BAHCC1: variants seen among roughly 807,000 people sequenced by gnomAD.
BAHCC1 encodes the protein BAH and coiled-coil domain-containing protein 1.
In BAHCC1, 43 loss-of-function variants were observed where a neutral mutation model predicts 88.2. The observed-to-expected ratio is 0.49, with a 90% CI of 0.38 to 0.63. BAHCC1 has a LOEUF of 0.63. Ranked by LOEUF, BAHCC1 falls within the 20% of genes least tolerant of loss-of-function variation. The probability of loss-of-function intolerance (pLI) is 0.00; values close to 1 mark genes in which losing one functional copy is unlikely to be tolerated. For synonymous variants in BAHCC1, 1,510 were observed against 745.5 expected (o/e 2.03, Z -16.71); for missense variants, 3,023 against 1,654.8 (o/e 1.83, Z -14.34).
rs782079153 is a variant in BAHCC1, at chr17:81,445,510, G to A, written c.2992G>A (p.Asp998Asn). 12 of 738,624 alleles carry A rather than the reference G, an allele frequency of 1.6e-5. No individual in the cohort carries two copies. The highest frequency in any genetic ancestry group is 2.9e-5 in the South Asian group (2 of 69,268). The allele number at this position is 738,624 out of a possible 1,614,324, so 45.8% of individuals were successfully genotyped here. A position where few individuals can be genotyped will look rare whatever the true frequency, so the allele number is the denominator to read the frequency against. ...TKLPPCCHPP[D>N]PKPPASSPTP... ...GCTGCCACCTTGCTGCCATCCGCCC[G>A]ACCCAAAGCCCCCCGCCAGCTCCCC... The change falls in exon 10 of 28, where the codon GAC (aspartate) becomes AAC (asparagine). Residue 998 changes from aspartate to asparagine, a missense_variant. Physicochemically the swap from Asp to Asn is conservative, Grantham distance 23 (BLOSUM62 1). Coordinates refer to ENST00000675386, the MANE Select transcript of BAHCC1 (RefSeq NM_001377448.1).
At chr17:81,453,245 A>G (rs1404414624) in intron 14 of BAHCC1, among the ~76,000 whole-genome samples, 4 of 152,210 alleles carry the variant, frequency 2.6e-5, no homozygotes, top group Non-Finnish European at 5.9e-5. Flanking sequence ...GGAGCTGCTC[A>G]CGGCTGCCGG....
intron 27 of BAHCC1, among the ~76,000 whole-genome samples, chr17:81,463,257 G>A (rs369472320): frequency 4.4e-4 from 67 of 152,234 alleles, no homozygotes; most frequent in South Asian, 1.0e-3. Context: ...CCACCCCGTG[G>A]GCCCTCCCTG....
In BAHCC1 at chr17:81,399,843, C is replaced by A; in HGVS notation, c.104C>A (p.Pro35His). The change falls in exon 2 of 28, where the codon CCC becomes CAC. Residue 35 changes from proline (P) to histidine (H), a missense_variant. Physicochemically the swap from Pro to His is moderately conservative, Grantham distance 77. Coordinates refer to ENST00000675386, the MANE Select transcript of BAHCC1 (RefSeq NM_001377448.1). This position sits in a 1 kb window ranked among gnomAD's most constrained non-coding sequence, Gnocchi z 4.5. ...AAAARLAPAGPAAQPPAHFQP... is the reference protein window; with the variant it reads ...AAAARLAPAGHAAQPPAHFQP... ...GCCGCGCGTCTCGCCCCGGCTGGGC[C>A]CGCCGCGCAGCCCCCCGCACACTTC... The A allele has an allele frequency of 7.3e-7, 1 of 1,368,970 alleles. No individual in the cohort carries two copies. The highest frequency in any genetic ancestry group is 9.4e-7 in the Non-Finnish European group (1 of 1,059,664). 84.8% of individuals were successfully genotyped at this position (1,368,970 alleles called of 1,614,324 possible). A position where few individuals can be genotyped will look rare whatever the true frequency, so the allele number is the denominator to read the frequency against.
intron 2 of BAHCC1, among the ~76,000 whole-genome samples, chr17:81,416,582 T>TCC (rs2064034114): frequency 7.2e-6 from 1 of 139,678 alleles, no homozygotes; most frequent in African/African-American, 2.6e-5. Flanking sequence ...TGTGTGTGTG[T>TCC]CCGTGAGGAT....
Position 81,430,179 on chromosome 17 carries a change from T to TG in BAHCC1, c.358+3202dup, listed in dbSNP as rs2064244639. Among the ~76,000 whole-genome samples the TG allele has an allele frequency of 2.6e-5, 4 of 152,180 alleles. No homozygotes were observed. In the South Asian group the frequency reaches 8.3e-4, roughly 32 times the overall value. On this transcript the variant is annotated intron_variant, in intron 3 of 27. Coordinates refer to ENST00000675386, the MANE Select transcript of BAHCC1 (RefSeq NM_001377448.1). ...GAGCAGGGGTGGGGGCACACACAGCTGGCCCTATTGTCAGCAGGCCTGGTC... is the reference window on the plus strand; with the variant it reads ...GAGCAGGGGTGGGGGCACACACAGCTGGGCCCTATTGTCAGCAGGCCTGGTC...
At chr17:81,414,153 A>G (rs1438208289) in intron 2 of BAHCC1, among the ~76,000 whole-genome samples, 1 of 152,216 alleles carries the variant, frequency 6.6e-6, no homozygotes, top group Non-Finnish European at 1.5e-5. Context: ...GCCCAGGACC[A>G]GCCGTGGCCC....
In BAHCC1 at chr17:81,441,919, C is replaced by G. The variant is rs1555652592; in HGVS notation, c.570C>G (p.Ala190=). ...NFPSVARAAP[A]HPMGSCSRDR... is the part of the protein sequence containing the mutation. Reference sequence around the variant, plus strand: ...CCAGCGTGGCCCGGGCCGCCCCTGCCCACCCCATGGGCTCCTGCAGCCGGG... The same window carrying G: ...CCAGCGTGGCCCGGGCCGCCCCTGCGCACCCCATGGGCTCCTGCAGCCGGG... Residue 190 remains alanine, a synonymous_variant, in exon 5 of 28, where the codon GCC becomes GCG. Transcript: ENST00000675386. 2 of 716,332 alleles carry G rather than the reference C, an allele frequency of 2.8e-6. No individual in the cohort carries two copies. Among genetic ancestry groups the G allele is most frequent in the Admixed American group, 3.9e-5 (2 of 50,778 alleles). The allele number at this position is 716,332 out of a possible 1,614,324, so 44.4% of individuals were successfully genotyped here. A position where few individuals can be genotyped will look rare whatever the true frequency, so the allele number is the denominator to read the frequency against.
In BAHCC1 at chr17:81,451,962, C is replaced by CT; in HGVS notation, c.4180-9_4180-8insT. The CT allele has an allele frequency of 3.2e-6, 2 of 622,754 alleles. No homozygotes were observed. 38.6% of individuals were successfully genotyped at this position (622,754 alleles called of 1,614,324 possible). ...CCCGGCTCACAGGCCCCTGTGCCCC[C>CT]CCCACCAGGTGTGCCCCCTGAAGGC... On this transcript the variant is annotated splice_polypyrimidine_tract_variant and intron_variant, in intron 12 of 27. Transcript: ENST00000675386.
intron 3 of BAHCC1, among the ~76,000 whole-genome samples, chr17:81,429,541 G>T (rs1218916199): frequency 1.3e-5 from 2 of 152,170 alleles, no homozygotes. Flanking sequence ...GTTTGACAGG[G>T]TGCCAGCTGG....
Position 81,464,570 on chromosome 17 carries a change from C to T in BAHCC1, c.*753C>T, listed in dbSNP as rs911124632. 6.6e-6 allele frequency: 1 copy of T among 152,296 alleles called. No individual in the cohort carries two copies. Among genetic ancestry groups the T allele is most frequent in the Admixed American group, 6.5e-5 (1 of 15,286 alleles). 9.4% of individuals were successfully genotyped at this position (152,296 alleles called of 1,614,324 possible). A position where few individuals can be genotyped will look rare whatever the true frequency, so the allele number is the denominator to read the frequency against. ...GAGCAGGGGGTGGTGATGAGGGGCCCGTGGGGAAAGGATTCAAGAGGCAAA... is the reference window on the plus strand; with the variant it reads ...GAGCAGGGGGTGGTGATGAGGGGCCTGTGGGGAAAGGATTCAAGAGGCAAA... On this transcript the variant is annotated 3_prime_UTR_variant, in exon 28 of 28. Transcript: ENST00000675386.
chr17:81,415,497 C>T (rs781877943), intron 2 of BAHCC1: 1 of 510,360 alleles, frequency 2.0e-6, no homozygotes, highest in Admixed American at 2.0e-5. Context: ...AAGCAGTTGG[C>T]TGGGAAATAA....
chr17:81,445,654 A>G lies in BAHCC1; in HGVS notation c.3136A>G (p.Thr1046Ala). ...AAAGAATGGGGAGGGTCAGCAGTCCACGGCCGACATCATCACATCCGAACC... is the reference window on the plus strand; with the variant it reads ...AAAGAATGGGGAGGGTCAGCAGTCCGCGGCCGACATCATCACATCCGAACC... Reference protein sequence around the residue: ...EEKNGEGQQSTADIITSEPDL... With the variant: ...EEKNGEGQQSAADIITSEPDL... The change falls in exon 10 of 28, where the codon ACG becomes GCG. Residue 1046 changes from threonine (T) to alanine (A), a missense_variant. Coordinates refer to ENST00000675386, the MANE Select transcript of BAHCC1 (RefSeq NM_001377448.1). 1 of 732,486 alleles carries G rather than the reference A, an allele frequency of 1.4e-6. No individual in the cohort carries two copies. The allele number at this position is 732,486 out of a possible 1,614,324, so 45.4% of individuals were successfully genotyped here.
In BAHCC1 at chr17:81,459,057, GCTC is replaced by G; in HGVS notation, c.5610_5612del (p.Ser1871del). On this transcript the variant is annotated inframe_deletion, in exon 21 of 28. Coordinates refer to ENST00000675386, the MANE Select transcript of BAHCC1 (RefSeq NM_001377448.1). ...CGCTGACACCTTGTGCCCACAGCGC[GCTC>G]GTGTGCCATCCACAAGGAGGACCTG... The G allele has an allele frequency of 2.6e-6, 2 of 757,610 alleles. No homozygotes were observed. The highest frequency in any genetic ancestry group is 4.9e-6 in the Non-Finnish European group (2 of 407,874). The allele number at this position is 757,610 out of a possible 1,614,324, so 46.9% of individuals were successfully genotyped here.
intron 2 of BAHCC1, chr17:81,407,329 A>G: frequency 1.9e-6 from 1 of 519,960 alleles, no homozygotes; most frequent in Non-Finnish European, 3.8e-6. Flanking sequence ...AGCCTTAGCC[A>G]TATTAAGTAA....
Position 81,434,842 on chromosome 17 carries a change from G to C in BAHCC1, c.359-3528G>C, listed in dbSNP as rs965863938. ...GGGCCTCGACGTGCGGGGCTGTTGG[G>C]AAAATGTGCTGTGTCAGAACGCAGG... is the stretch of plus-strand genomic sequence containing the variant. On this transcript the variant is annotated intron_variant, in intron 3 of 27. Coordinates refer to ENST00000675386, the MANE Select transcript of BAHCC1 (RefSeq NM_001377448.1). This position sits in a 1 kb window ranked among gnomAD's most constrained non-coding sequence, Gnocchi z 4.9. Among the ~76,000 whole-genome samples, 29 of 152,074 alleles carry C rather than the reference G, an allele frequency of 1.9e-4. No homozygotes were observed. Among genetic ancestry groups the C allele is most frequent in the Non-Finnish European group, 3.8e-4 (26 of 67,988 alleles).
intron 2 of BAHCC1, among the ~76,000 whole-genome samples, chr17:81,405,094 C>G (rs2063862793): frequency 6.6e-6 from 1 of 152,188 alleles, no homozygotes; most frequent in African/African-American, 2.4e-5. Flanking sequence ...CAGTCTGGCT[C>G]TGTCTGCCAG....
chr17:81,427,442 A>G, intron 3 of BAHCC1, among the ~76,000 whole-genome samples: 1 of 152,154 alleles, frequency 6.6e-6, no homozygotes, highest in East Asian at 1.9e-4. Flanking sequence ...TCCCAGGACA[A>G]AGAGTTCCTC....
In BAHCC1 at chr17:81,433,671, G is replaced by A. The variant is rs5006384; in HGVS notation, c.359-4699G>A. ...GGGCAGGAGTCATCAGTCCACCGAG[G>A]CCCCTGTGTGCCCCGGGCAGGTGTC... On this transcript the variant is annotated intron_variant, in intron 3 of 27. Coordinates refer to ENST00000675386, the MANE Select transcript of BAHCC1 (RefSeq NM_001377448.1). Among the ~76,000 whole-genome samples the A allele has an allele frequency of 4.1e-3, 600 of 148,060 alleles. 5 individuals are homozygous for A. Among genetic ancestry groups the A allele is most frequent in the African/African-American group, 0.015 (577 of 39,744 alleles).
chr17:81,444,026 T>G, intron 6 of BAHCC1, 109 bp downstream of exon 6: 1 of 655,330 alleles, frequency 1.5e-6, no homozygotes, highest in South Asian at 1.6e-5. Context: ...GGCAGCAGAT[T>G]CTATGGCCGG....
Sources: gnomAD v4.1 joint callset for allele counts (sites outside exome capture counted in the v4.1 genomes callset) on GRCh38, gnomAD v4.1.1 for gene constraint, Gnocchi (gnomAD v3.1) non-coding constraint, MANE v1.5 for transcripts, NCBI Gene and HGNC (gene_info 2026-07-23, HGNC 2026-07-21) for gene names.